WDR26: variants seen among roughly 807,000 people sequenced by gnomAD.
WDR26 encodes WD repeat domain 26, also known as WD repeat-containing protein 26.
Under a neutral mutation model 84.1 loss-of-function variants are expected in WDR26, and 5 were observed. The observed-to-expected ratio is 0.06, with a 90% CI of 0.03 to 0.13. The LOEUF (loss-of-function observed/expected upper bound fraction) is 0.13. Ranked by LOEUF, WDR26 falls within the 10% of genes least tolerant of loss-of-function variation. The pLI is 1.00. For synonymous variants in WDR26, 415 were observed against 389.6 expected (o/e 1.07, Z -0.77); for missense variants, 642 against 974.9 (o/e 0.66, Z 4.55).
intron 7 of WDR26, among the ~76,000 whole-genome samples, chr1:224,407,138 A>AT (rs1416879117): frequency 3.6e-4 from 23 of 63,860 alleles, no homozygotes; most frequent in East Asian, 1.2e-3. Context: ...AAAAAAAAAA[A>AT]AAAAAAAAAA....
intron 1 of WDR26, among the ~76,000 whole-genome samples, chr1:224,432,518 G>A (rs905384956): frequency 2.0e-5 from 3 of 152,086 alleles, no homozygotes; most frequent in Non-Finnish European, 4.4e-5. Context: ...CATGTATTCT[G>A]GTATCTAAGA....
intron 1 of WDR26, 28 bp downstream of exon 1, chr1:224,433,656 T>A: frequency 1.4e-6 from 2 of 1,391,094 alleles, no homozygotes; most frequent in Non-Finnish European, 1.9e-6. Context: ...GGTCTGTCCA[T>A]CACCAGCTGG....
rs1184621209 is a variant in WDR26, at chr1:224,431,467, G to A, written c.927+10C>T. The A allele has an allele frequency of 6.2e-7, 1 of 1,610,500 alleles. No homozygotes were observed. Among genetic ancestry groups the A allele is most frequent in the Non-Finnish European group, 8.5e-7 (1 of 1,177,204 alleles). ...CATAAATGTGAAACTAAGAACAAAA[G>A]TGTATTTACCACAATTATTCCCAAC... On this transcript the variant is annotated intron_variant, in intron 3 of 13. Coordinates refer to ENST00000414423, the MANE Select transcript of WDR26 (RefSeq NM_001379403.1).
chr1:224,401,453 T>C (rs771391312), intron 8 of WDR26, among the ~76,000 whole-genome samples: 8 of 152,110 alleles, frequency 5.3e-5, no homozygotes, highest in Non-Finnish European at 1.0e-4. Context: ...AAGTTTTTTA[T>C]AAATTTTATT....
At chr1:224,424,888 C>T (rs1674166031) in intron 3 of WDR26, among the ~76,000 whole-genome samples, 1 of 152,204 alleles carries the variant, frequency 6.6e-6, no homozygotes. Flanking sequence ...AATCTCAAAT[C>T]AGACTAGATC....
At chr1:224,429,576 T>C (rs1367750308) in intron 3 of WDR26, 11 of 152,192 alleles carry the variant, frequency 7.2e-5, no homozygotes, top group Non-Finnish European at 1.5e-5. Context: ...ATGCTGAAAT[T>C]AATCTTTAAA....
intron 7 of WDR26, among the ~76,000 whole-genome samples, chr1:224,409,816 T>C (rs1011224750): frequency 5.3e-5 from 8 of 151,422 alleles, no homozygotes; most frequent in African/African-American, 1.7e-4. Context: ...TGAGCCAAGA[T>C]TGCCCCACTG....
At chr1:224,416,515 C>T (rs1673909648) in intron 6 of WDR26, among the ~76,000 whole-genome samples, 1 of 152,308 alleles carries the variant, frequency 6.6e-6, no homozygotes, top group South Asian at 2.1e-4. Flanking sequence ...CGTGAGCCAC[C>T]ACACCCAGCC....
chr1:224,434,688 T>TGCGGCG lies in WDR26; in HGVS notation c.-289_-284dup, dbSNP rs779741438. ...CGCTGGGCTGAGCCCCGGCAGTGGC[T>TGCGGCG]GCGGCGGCGGCGGCGGCGGGCGGCA... is the stretch of plus-strand genomic sequence containing the variant. On this transcript the variant is annotated 5_prime_UTR_variant, in exon 1 of 14. Transcript: ENST00000414423. 0.011 allele frequency: 9,613 copies of TGCGGCG among 895,630 alleles called. 72 individuals are homozygous for TGCGGCG. Among genetic ancestry groups the TGCGGCG allele is most frequent in the Non-Finnish European group, 0.012 (8,873 of 751,006 alleles). 55.5% of individuals were successfully genotyped at this position (895,630 alleles called of 1,614,324 possible).
chr1:224,398,694 C>T (rs752247764), intron 10 of WDR26, 101 bp from the exon 11 acceptor site: 55 of 1,237,194 alleles, frequency 4.4e-5, no homozygotes, highest in Non-Finnish European at 6.1e-5. Context: ...ACAATTTTGC[C>T]TGCAATCACT....
chr1:224,418,071 G>T (rs1161634801), intron 6 of WDR26, among the ~76,000 whole-genome samples, 189 bp downstream of exon 6: 5 of 152,092 alleles, frequency 3.3e-5, no homozygotes, highest in African/African-American at 4.8e-5. Flanking sequence ...AGTTCTCAAG[G>T]TATGGTTACT....
intron 8 of WDR26, 79 bp from the exon 9 acceptor site, chr1:224,401,148 G>C (rs1385035573): frequency 1.3e-5 from 19 of 1,408,640 alleles, no homozygotes; most frequent in Middle Eastern, 4.6e-4. Context: ...AAAATAACTG[G>C]GATGTCTGGC....
chr1:224,424,461 AAAG>A (rs1674154908), intron 4 of WDR26, 54 bp downstream of exon 4: 6 of 1,575,804 alleles, frequency 3.8e-6, no homozygotes, highest in Admixed American at 4.0e-5. Context: ...GAAAAATGTT[AAAG>A]AAATATAACT....
chr1:224,404,710 C>T (rs1212164182), intron 7 of WDR26, 140 bp from the exon 8 acceptor site: 1 of 998,624 alleles, frequency 1.0e-6, no homozygotes, highest in African/African-American at 1.6e-5. Context: ...CCTTTAACAG[C>T]TTGCTTCATA....
intron 12 of WDR26, among the ~76,000 whole-genome samples, chr1:224,397,021 A>T (rs12755816): frequency 0.28 from 42,332 of 152,174 alleles, 7,223 homozygotes; most frequent in African/African-American, 0.47. Flanking sequence ...GGTAAACCTC[A>T]TGTGCACTTT....
intron 6 of WDR26, 136 bp downstream of exon 6, chr1:224,418,124 G>C: frequency 1.5e-6 from 1 of 657,852 alleles, no homozygotes; most frequent in Non-Finnish European, 2.3e-6. Flanking sequence ...AATTTTCATA[G>C]TTCCAGCTTT....
intron 8 of WDR26, among the ~76,000 whole-genome samples, chr1:224,404,072 GA>G (rs1385260518): frequency 6.6e-6 from 1 of 152,150 alleles, no homozygotes; most frequent in East Asian, 1.9e-4. Flanking sequence ...CATCAGAATC[GA>G]AAATTTGGTT....
rs1015691657 is a variant in WDR26 at position 224,385,978 on chromosome 1, C to G, written c.*3857G>C. ...AAGTACTCTCTCTCTCACACACACACAGAACACACACACACATTTTTATAC... is the reference window on the plus strand; with the variant it reads ...AAGTACTCTCTCTCTCACACACACAGAGAACACACACACACATTTTTATAC... On this transcript the variant is annotated 3_prime_UTR_variant, in exon 14 of 14. Coordinates refer to ENST00000414423, the MANE Select transcript of WDR26 (RefSeq NM_001379403.1). 2 of 152,092 alleles carry G rather than the reference C, an allele frequency of 1.3e-5. No homozygotes were observed. The highest frequency in any genetic ancestry group is 2.9e-5 in the Non-Finnish European group (2 of 67,972). 9.4% of individuals were successfully genotyped at this position (152,092 alleles called of 1,614,324 possible). A position where few individuals can be genotyped will look rare whatever the true frequency, so the allele number is the denominator to read the frequency against.
chr1:224,407,151 A>AAAAAAAAAAGAATATATATATAT, intron 7 of WDR26, among the ~76,000 whole-genome samples: 1 of 11,868 alleles, frequency 8.4e-5, no homozygotes, highest in Non-Finnish European at 1.4e-4. Context: ...AAAAAAAAAA[A>AAAAAAAAAAGAATATATATATAT]ATATATATAT....
Sources: allele counts gnomAD v4.1 joint callset (sites outside exome capture counted in the v4.1 genomes callset), GRCh38; gene constraint gnomAD v4.1.1; transcripts MANE v1.5; gene names NCBI Gene and HGNC (gene_info 2026-07-23, HGNC 2026-07-21).